The following OSBPL10 variants were observed in gnomAD, a reference collection of about 807,000 sequenced individuals.
OSBPL10 encodes oxysterol-binding protein-related protein 10.
A neutral mutation model predicts 81.7 loss-of-function variants in OSBPL10; 49 were observed. The ratio of observed to expected loss-of-function variants is 0.60; its 90% CI spans 0.48 to 0.76. OSBPL10 has a LOEUF of 0.76. Among genes scored for constraint, OSBPL10 ranks in the 30% least tolerant of loss-of-function variants. The pLI is 0.00. For synonymous variants in OSBPL10, 419 were observed against 383.6 expected, an observed-to-expected ratio of 1.09 and a Z score of -1.08; for missense variants, 923 against 987.8, an observed-to-expected ratio of 0.93 and a Z score of 0.88.
chr3:31,855,929 A>G (rs570428494), intron 3 of OSBPL10, among the ~76,000 whole-genome samples: 4 of 152,310 alleles, frequency 2.6e-5, no homozygotes, highest in African/African-American at 9.6e-5. Flanking sequence ...CAAGTATTGT[A>G]GAAAAAAGCC....
intron 6 of OSBPL10, among the ~76,000 whole-genome samples, chr3:31,707,784 C>G (rs1575490149): frequency 6.6e-6 from 1 of 152,292 alleles, no homozygotes; most frequent in East Asian, 1.9e-4. Context: ...AATTCCATAA[C>G]TACACAGAAC....
intron 4 of OSBPL10, among the ~76,000 whole-genome samples, chr3:31,751,371 CAAACAAATA>C (rs1204225012): frequency 1.1e-4 from 15 of 135,544 alleles, no homozygotes; most frequent in Admixed American, 3.8e-4. Flanking sequence ...AACAAACAAA[CAAACAAATA>C]AAATAAAATA....
intron 1 of OSBPL10, among the ~76,000 whole-genome samples, chr3:31,916,510 C>A (rs1403549991): frequency 6.6e-6 from 1 of 152,118 alleles, no homozygotes; most frequent in Admixed American, 6.6e-5. Context: ...ATATCTGACA[C>A]CTTTTTTCAT....
intron 2 of OSBPL10, among the ~76,000 whole-genome samples, chr3:31,995,210 A>G (rs1399215551): frequency 6.6e-6 from 1 of 152,174 alleles, no homozygotes; most frequent in East Asian, 1.9e-4. Flanking sequence ...TCTGACCTCA[A>G]ATTTACCAGG....
chr3:31,899,920 A>T (rs1696182674), intron 1 of OSBPL10, among the ~76,000 whole-genome samples: 1 of 152,208 alleles, frequency 6.6e-6, no homozygotes, highest in Non-Finnish European at 1.5e-5. Context: ...CACCTTAGTA[A>T]TATACTGGAT....
At chr3:31,866,053 C>T (rs1340482713) in intron 3 of OSBPL10, among the ~76,000 whole-genome samples, 1 of 152,160 alleles carries the variant, frequency 6.6e-6, no homozygotes, top group Admixed American at 6.5e-5. Context: ...TATCAAAGCA[C>T]CTCTCCAAAG....
chr3:31,955,420 A>G (rs1039401118), intron 1 of OSBPL10, among the ~76,000 whole-genome samples: 2 of 152,230 alleles, frequency 1.3e-5, no homozygotes, highest in African/African-American at 4.8e-5. Flanking sequence ...ATATGAGCCC[A>G]ACACTGCTTC....
chr3:31,758,750 A>G (rs1342306370), intron 4 of OSBPL10, among the ~76,000 whole-genome samples: 1 of 152,236 alleles, frequency 6.6e-6, no homozygotes, highest in Non-Finnish European at 1.5e-5. Flanking sequence ...ATGGAGCAGC[A>G]TGAAGCTCAA....
intron 4 of OSBPL10, among the ~76,000 whole-genome samples, chr3:31,808,361 T>C (rs1407181376): frequency 6.6e-6 from 1 of 152,188 alleles, no homozygotes; most frequent in Non-Finnish European, 1.5e-5. Context: ...AGGTGTCATG[T>C]TGGGAGACTG....
At chr3:32,012,674 C>T (rs1282686194) in intron 2 of OSBPL10, among the ~76,000 whole-genome samples, 1 of 152,196 alleles carries the variant, frequency 6.6e-6, no homozygotes, top group East Asian at 1.9e-4. Context: ...CAAGACCCAT[C>T]AGTGTGCTGT....
intron 1 of OSBPL10, among the ~76,000 whole-genome samples, chr3:31,908,950 G>C (rs1206676580): frequency 1.3e-5 from 2 of 151,962 alleles, no homozygotes; most frequent in African/African-American, 4.9e-5. Context: ...AGGAAGCAGA[G>C]CCAGGTCAAG....
chr3:31,984,319 C>T (rs1357552988), upstream of OSBPL10, among the ~76,000 whole-genome samples: 1 of 150,960 alleles, frequency 6.6e-6, no homozygotes, highest in African/African-American at 2.4e-5. Context: ...GGATTACAGG[C>T]GTGAGCCACC....
chr3:31,875,852 T>C (rs892465777), intron 3 of OSBPL10, among the ~76,000 whole-genome samples: 5 of 152,160 alleles, frequency 3.3e-5, no homozygotes, highest in Non-Finnish European at 7.4e-5. Context: ...CATTTTGAAA[T>C]TGTTTCCTGT....
chr3:31,795,972 C>T, intron 4 of OSBPL10: 1 of 222,664 alleles, frequency 4.5e-6, no homozygotes, highest in Non-Finnish European at 1.0e-5. Flanking sequence ...TTTCTTACAG[C>T]TCTGCACTTC....
At chr3:32,007,277 T>C (rs925543784) in intron 2 of OSBPL10, among the ~76,000 whole-genome samples, 2 of 152,224 alleles carry the variant, frequency 1.3e-5, no homozygotes, top group South Asian at 2.1e-4. Flanking sequence ...TTTTAAACAT[T>C]TATTGTAAAC....
Position 31,761,182 on chromosome 3 carries a change from A to C in OSBPL10, c.730-13062T>G, listed in dbSNP as rs1186140405. ...GCATAATGCAGGGTAAAGAAAAGTT[A>C]AGAAGTTTCCGCCAGGCGCGGTGGC... On this transcript the variant is annotated intron_variant, in intron 4 of 11. Transcript: ENST00000396556. Among the ~76,000 whole-genome samples, 4 of 149,416 alleles carry C rather than the reference A, an allele frequency of 2.7e-5. 1 individual carries two copies. Among genetic ancestry groups the C allele is most frequent in the Non-Finnish European group, 5.9e-5 (4 of 67,764 alleles).
chr3:31,662,694 A>G, intron 11 of OSBPL10: 1 of 985,472 alleles, frequency 1.0e-6, no homozygotes, highest in Non-Finnish European at 1.2e-6. Flanking sequence ...CTTATTCCTT[A>G]CATGTTCCCA....
In OSBPL10 at chr3:31,873,549, C is replaced by A. The variant is rs555147467; in HGVS notation, c.537+2884G>T. ...AGTTTGAATTATAGCACCATTTTAC[C>A]TAATATTTGTTCCAGGGAACACAAT... On this transcript the variant is annotated intron_variant, in intron 3 of 11. Coordinates refer to ENST00000396556, the MANE Select transcript of OSBPL10 (RefSeq NM_017784.5). 2.8e-4 allele frequency among the ~76,000 whole-genome samples: 42 copies of A among 152,206 alleles called. 1 individual carries two copies. Among genetic ancestry groups the A allele is most frequent in the African/African-American group, 1.0e-3 (42 of 41,530 alleles).
chr3:32,075,183 C>T (rs933799073), intron 1 of OSBPL10, among the ~76,000 whole-genome samples: 49 of 152,204 alleles, frequency 3.2e-4, no homozygotes, highest in African/African-American at 1.2e-3. Flanking sequence ...TTTATCTGTT[C>T]CTCAAGCCCA....
Sources: gnomAD v4.1 joint callset for allele counts (sites outside exome capture counted in the v4.1 genomes callset) on GRCh38, gnomAD v4.1.1 for gene constraint, MANE v1.5 for transcripts, NCBI Gene and HGNC (gene_info 2026-07-23, HGNC 2026-07-21) for gene names.